COLGALT2: variants seen among roughly 807,000 people sequenced by gnomAD.
COLGALT2 encodes procollagen galactosyltransferase 2.
Under a neutral mutation model 73.4 loss-of-function variants are expected in COLGALT2, and 49 were observed. The ratio of observed to expected loss-of-function variants is 0.67; its 90% CI spans 0.53 to 0.85. The LOEUF is 0.85. Ranked by LOEUF, COLGALT2 falls within the 40% of genes least tolerant of loss-of-function variation. COLGALT2 has a pLI of 0.00. For synonymous variants in COLGALT2, 295 were observed against 307.6 expected (o/e 0.96, Z 0.43); for missense variants, 722 against 790.2 (o/e 0.91, Z 1.03).
At chr1:184,016,358 A>G (rs1404873016) in intron 1 of COLGALT2, among the ~76,000 whole-genome samples, 1 of 152,252 alleles carries the variant, frequency 6.6e-6, no homozygotes, top group African/African-American at 2.4e-5. Context: ...GTGTTAAAAT[A>G]CTATGTATAA....
Position 183,957,309 on chromosome 1 carries a change from T to C in COLGALT2, c.953-2471A>G, listed in dbSNP as rs896314934. On this transcript the variant is annotated intron_variant, in intron 6 of 11. Transcript: ENST00000361927. ...AAGATCACAGAGCTGATAGAGCTGG[T>C]ATTTGAACCTAGGTCCTACTCCTTT... Among the ~76,000 whole-genome samples, 4 of 152,198 alleles carry C rather than the reference T, an allele frequency of 2.6e-5. No individual in the cohort carries two copies. In the South Asian group the frequency reaches 6.2e-4, roughly 24 times the overall value.
At chr1:184,000,052 ATTATTATT>A (rs1671875611) in intron 1 of COLGALT2, among the ~76,000 whole-genome samples, 1 of 151,994 alleles carries the variant, frequency 6.6e-6, no homozygotes, top group Non-Finnish European at 1.5e-5. Flanking sequence ...CTAAATTTCC[ATTATTATT>A]TCTTCCTTGA....
At chr1:184,006,845 C>T (rs1449445070) in intron 1 of COLGALT2, among the ~76,000 whole-genome samples, 1 of 152,168 alleles carries the variant, frequency 6.6e-6, no homozygotes, top group Non-Finnish European at 1.5e-5. Context: ...ATTTTCCCTC[C>T]TCTATCTTAA....
At chr1:184,030,434 T>A (rs1649473545) in intron 1 of COLGALT2, among the ~76,000 whole-genome samples, 1 of 152,214 alleles carries the variant, frequency 6.6e-6, no homozygotes, top group African/African-American at 2.4e-5. Context: ...GTTGTTATGC[T>A]ATGTCAAGAA....
intron 1 of COLGALT2, 28 bp from the exon 2 acceptor site, chr1:183,978,548 T>A: frequency 7.5e-7 from 1 of 1,337,030 alleles, no homozygotes; most frequent in Non-Finnish European, 1.1e-6. Flanking sequence ...CAATATAGTT[T>A]AACTATGTCA....
At position 183,937,748 on chromosome 1, in the gene COLGALT2, G is replaced by A. The variant is rs987532194; in HGVS notation, c.*1013C>T. 9 of 985,114 alleles carry A rather than the reference G, an allele frequency of 9.1e-6. No individual in the cohort carries two copies. In the South Asian group the frequency reaches 1.9e-4, roughly 21 times the overall value. 61.0% of individuals were successfully genotyped at this position (985,114 alleles called of 1,614,324 possible). A position where few individuals can be genotyped will look rare whatever the true frequency, so the allele number is the denominator to read the frequency against. On this transcript the variant is annotated 3_prime_UTR_variant, in exon 12 of 12. Coordinates refer to ENST00000361927, the MANE Select transcript of COLGALT2 (RefSeq NM_015101.4). ...GCCTTATCCTAAAGACAATATCTTCGCCCATTTTGTAAAATAAATAATTCA... is the reference window on the plus strand; with the variant it reads ...GCCTTATCCTAAAGACAATATCTTCACCCATTTTGTAAAATAAATAATTCA...
At chr1:184,033,951 G>T (rs909103774) in intron 1 of COLGALT2, among the ~76,000 whole-genome samples, 15 of 152,332 alleles carry the variant, frequency 9.8e-5, no homozygotes, top group African/African-American at 3.6e-4. Context: ...AGCCATTTTT[G>T]ACATCAGCAT....
chr1:183,945,388 T>C, intron 9 of COLGALT2, 44 bp downstream of exon 9: 1 of 1,603,580 alleles, frequency 6.2e-7, no homozygotes, highest in Non-Finnish European at 8.5e-7. Context: ...CTGCTTTCCT[T>C]TCTCCTCATC....
chr1:184,022,683 TA>T (rs1417564621), intron 1 of COLGALT2, among the ~76,000 whole-genome samples: 2 of 152,160 alleles, frequency 1.3e-5, no homozygotes, highest in Non-Finnish European at 2.9e-5. Flanking sequence ...ATATATAGCT[TA>T]GGGGAAGCAA....
intron 5 of COLGALT2, among the ~76,000 whole-genome samples, chr1:183,968,811 C>T (rs1047750326): frequency 5.3e-5 from 8 of 152,184 alleles, no homozygotes; most frequent in African/African-American, 1.9e-4. Context: ...CACAAGAAGC[C>T]TGGGACTCTG....
chr1:183,999,786 A>G (rs1671866292), intron 1 of COLGALT2, among the ~76,000 whole-genome samples: 1 of 152,072 alleles, frequency 6.6e-6, no homozygotes. Flanking sequence ...TTACATCATT[A>G]TTTATGTATT....
At chr1:183,931,589 G>A (rs1392380495), downstream of COLGALT2, among the ~76,000 whole-genome samples, 1 of 152,050 alleles carries the variant, frequency 6.6e-6, no homozygotes, top group Non-Finnish European at 1.5e-5. Context: ...GATGGGACTG[G>A]GGCTTGAGTG....
chr1:184,001,773 T>C (rs1159379901), intron 1 of COLGALT2, among the ~76,000 whole-genome samples: 1 of 152,222 alleles, frequency 6.6e-6, no homozygotes, highest in Non-Finnish European at 1.5e-5. Context: ...GGAAAGTCAG[T>C]TGAAATCACA....
intron 7 of COLGALT2, among the ~76,000 whole-genome samples, chr1:183,953,622 C>T (rs1670472825): frequency 1.3e-5 from 2 of 152,152 alleles, no homozygotes; most frequent in African/African-American, 4.8e-5. Context: ...GTGGGACAAC[C>T]TTCTCTATAG....
chr1:184,022,432 T>C (rs1649206024), intron 1 of COLGALT2, among the ~76,000 whole-genome samples: 1 of 152,000 alleles, frequency 6.6e-6, no homozygotes, highest in African/African-American at 2.4e-5. Flanking sequence ...AAGAAAATAA[T>C]TAGAAGGGAG....
At chr1:183,992,778 C>T (rs1386830036) in intron 1 of COLGALT2, among the ~76,000 whole-genome samples, 1 of 152,206 alleles carries the variant, frequency 6.6e-6, no homozygotes, top group African/African-American at 2.4e-5. Flanking sequence ...CTCTAGACTT[C>T]CAAGGTGCTC....
At chr1:184,008,836 T>C (rs1362970798) in intron 1 of COLGALT2, among the ~76,000 whole-genome samples, 1 of 152,186 alleles carries the variant, frequency 6.6e-6, no homozygotes, top group Non-Finnish European at 1.5e-5. Context: ...GAAGTATTTT[T>C]AGTAGAGGCA....
At chr1:183,934,710 T>C (rs1669912252), downstream of COLGALT2, among the ~76,000 whole-genome samples, 1 of 152,216 alleles carries the variant, frequency 6.6e-6, no homozygotes, top group Admixed American at 6.5e-5. Flanking sequence ...GAAAGCCTCC[T>C]GGGAAGACAC....
chr1:183,935,117 C>T (rs1372799177), downstream of COLGALT2, among the ~76,000 whole-genome samples: 1 of 152,210 alleles, frequency 6.6e-6, no homozygotes, highest in Non-Finnish European at 1.5e-5. Context: ...ACCCACTGTG[C>T]CCAGCCCTCC....
Sources: allele counts gnomAD v4.1 joint callset (sites outside exome capture counted in the v4.1 genomes callset), GRCh38; gene constraint gnomAD v4.1.1; transcripts MANE v1.5; gene names NCBI Gene and HGNC (gene_info 2026-07-23, HGNC 2026-07-21).